Variants in C2CD5 observed in about 807,000 individuals in gnomAD.
The protein encoded by C2CD5 is C2 calcium dependent domain containing 5.
In C2CD5, 109 loss-of-function variants were observed where a neutral mutation model predicts 130.3. The observed-to-expected ratio is 0.84, with a 90% confidence interval of 0.72 to 0.98. The LOEUF is 0.98. C2CD5 is among the 50% of genes least tolerant of loss of function. C2CD5 has a pLI of 0.00. For missense variants in C2CD5, 996 were observed against 1,261.8 expected, an observed-to-expected ratio of 0.79 and a Z score of 3.19; for synonymous variants, 454 against 429.2, an observed-to-expected ratio of 1.06 and a Z score of -0.71.
chr12:22,481,798 ATTTTTTT>A (rs762273958), intron 14 of C2CD5, among the ~76,000 whole-genome samples: 5 of 93,194 alleles, frequency 5.4e-5, no homozygotes, highest in African/African-American at 8.6e-5. Flanking sequence ...CACCTGGTGT[ATTTTTTT>A]TTTTTTTTTT....
chr12:22,477,515 T>C (rs923195810), intron 15 of C2CD5, among the ~76,000 whole-genome samples: 5 of 152,214 alleles, frequency 3.3e-5, no homozygotes, highest in African/African-American at 1.2e-4. Context: ...TTTCTTTTTT[T>C]ATTTTTTTAA....
intron 22 of C2CD5, among the ~76,000 whole-genome samples, chr12:22,466,188 C>T (rs955309999): frequency 6.6e-6 from 1 of 151,766 alleles, no homozygotes; most frequent in Non-Finnish European, 1.5e-5. Flanking sequence ...ACATACTATG[C>T]TTAGCTCTTG....
intron 11 of C2CD5, among the ~76,000 whole-genome samples, chr12:22,491,298 T>A (rs143192901): frequency 1.3e-5 from 2 of 152,178 alleles, no homozygotes; most frequent in Admixed American, 1.3e-4. Context: ...TGAGTCTACA[T>A]CCTGTGGCCT....
chr12:22,492,345 T>C (rs775924656), intron 11 of C2CD5, among the ~76,000 whole-genome samples: 7 of 152,000 alleles, frequency 4.6e-5, no homozygotes, highest in Non-Finnish European at 8.8e-5. Context: ...AGAAAACAAC[T>C]GGTTAAGGTA....
At chr12:22,543,738 G>C (rs1952646881) in intron 2 of C2CD5, among the ~76,000 whole-genome samples, 1 of 152,216 alleles carries the variant, frequency 6.6e-6, no homozygotes, top group African/African-American at 2.4e-5. Flanking sequence ...GTGTGTGAGT[G>C]TGTCGGTGGC....
intron 11 of C2CD5, among the ~76,000 whole-genome samples, chr12:22,491,885 A>C (rs1946399608): frequency 1.3e-5 from 2 of 151,948 alleles, no homozygotes; most frequent in South Asian, 4.1e-4. Context: ...AAACAAAAAA[A>C]AAAACGACAA....
intron 26 of C2CD5, among the ~76,000 whole-genome samples, chr12:22,452,329 C>T (rs1176354369): frequency 1.3e-5 from 2 of 152,132 alleles, no homozygotes; most frequent in African/African-American, 2.4e-5. Flanking sequence ...TACTTTCAAA[C>T]GATCCGTGTA....
At chr12:22,503,672 C>T (rs1470160728) in intron 10 of C2CD5, among the ~76,000 whole-genome samples, 4 of 151,958 alleles carry the variant, frequency 2.6e-5, no homozygotes, top group South Asian at 2.1e-4. Flanking sequence ...CCACCAGGCC[C>T]GGATAGTTTT....
At chr12:22,482,939 CA>C (rs1256991026) in intron 13 of C2CD5, among the ~76,000 whole-genome samples, 196 bp from the exon 14 acceptor site, 1 of 151,758 alleles carries the variant, frequency 6.6e-6, no homozygotes, top group Non-Finnish European at 1.5e-5. Context: ...ATAACAGGTA[CA>C]AAAAAATAGG....
chr12:22,453,833 G>C, intron 26 of C2CD5, 63 bp downstream of exon 26: 1 of 1,495,044 alleles, frequency 6.7e-7, no homozygotes, highest in Non-Finnish European at 9.2e-7. Flanking sequence ...GGGGTTAGGG[G>C]TAGGAAGCCA....
At chr12:22,469,403 A>G (rs1942649959) in intron 22 of C2CD5, among the ~76,000 whole-genome samples, 1 of 152,172 alleles carries the variant, frequency 6.6e-6, no homozygotes, top group South Asian at 2.1e-4. Flanking sequence ...ATAAAATATC[A>G]AGTATTCTAT....
intron 8 of C2CD5, among the ~76,000 whole-genome samples, chr12:22,517,109 A>C (rs2136937133): frequency 6.6e-6 from 1 of 152,068 alleles, no homozygotes; most frequent in East Asian, 1.9e-4. Flanking sequence ...CCTTGTTTTC[A>C]CAAAATCTAG....
At chr12:22,490,890 T>C (rs567624583) in intron 11 of C2CD5, among the ~76,000 whole-genome samples, 3 of 152,214 alleles carry the variant, frequency 2.0e-5, no homozygotes, top group Admixed American at 6.5e-5. Flanking sequence ...GATGAACTGC[T>C]GAAAACCAGG....
At chr12:22,478,048 C>A in intron 15 of C2CD5, 1 of 403,060 alleles carries the variant, frequency 2.5e-6, no homozygotes, top group South Asian at 2.2e-5. Flanking sequence ...CACACACTCA[C>A]AAAGATAAGA....
At chr12:22,505,924 T>A (rs1206947221) in intron 10 of C2CD5, among the ~76,000 whole-genome samples, 1 of 143,722 alleles carries the variant, frequency 7.0e-6, no homozygotes, top group African/African-American at 2.4e-5. Context: ...TTGTTGCCCA[T>A]GCTGGATTCC....
chr12:22,544,319 C>T lies in C2CD5; in HGVS notation c.-30+1G>A, dbSNP rs1436965084. 3 of 538,724 alleles carry T rather than the reference C, an allele frequency of 5.6e-6. No individual in the cohort carries two copies. The highest frequency in any genetic ancestry group is 5.0e-4 in the Middle Eastern group (1 of 2,014). 33.4% of individuals were successfully genotyped at this position (538,724 alleles called of 1,614,324 possible). ...CAGTCGCGCCACGGGTCGCCACTCA[C>T]TGTCGCAGGAGGAAGGGTGCTGTCC... On this transcript the variant is annotated splice_donor_variant, in intron 1 of 26. Coordinates refer to ENST00000446597, the MANE Select transcript of C2CD5 (RefSeq NM_001286176.2). LOFTEE classifies it low-confidence loss of function (5UTR_SPLICE).
chr12:22,514,351 C>CA (rs1436652105), intron 8 of C2CD5, among the ~76,000 whole-genome samples: 3 of 151,518 alleles, frequency 2.0e-5, no homozygotes, highest in Middle Eastern at 3.2e-3. Flanking sequence ...TTCCTAAAAA[C>CA]AAAAAAATGG....
chr12:22,527,411 C>T (rs905730035), intron 4 of C2CD5, among the ~76,000 whole-genome samples: 2 of 150,648 alleles, frequency 1.3e-5, no homozygotes, highest in South Asian at 2.1e-4. Flanking sequence ...CTCCGCCTCC[C>T]GGGTTCAAGT....
chr12:22,525,506 C>T (rs2137058830), intron 5 of C2CD5, 104 bp downstream of exon 5: 1 of 735,262 alleles, frequency 1.4e-6, no homozygotes, highest in East Asian at 2.5e-5. Flanking sequence ...GGCATTAAAA[C>T]CAAGTACAAT....
Sources: allele counts gnomAD v4.1 joint callset (sites outside exome capture counted in the v4.1 genomes callset), GRCh38; gene constraint gnomAD v4.1.1; transcripts MANE v1.5; gene names NCBI Gene and HGNC (gene_info 2026-07-23, HGNC 2026-07-21).